The following RBFOX3 variants were observed in gnomAD, a reference collection of about 807,000 sequenced individuals.
RBFOX3 encodes the protein RNA binding protein fox-1 homolog 3.
A neutral mutation model predicts 48.7 loss-of-function variants in RBFOX3; 17 were observed. That is an observed-to-expected ratio of 0.35 (90% CI 0.24 to 0.52). The LOEUF (loss-of-function observed/expected upper bound fraction) is 0.52. RBFOX3 is among the 20% of genes least tolerant of loss of function. The pLI is 0.94. For synonymous variants in RBFOX3, 212 were observed against 209.5 expected (o/e 1.01, Z -0.10); for missense variants, 382 against 497.5 (o/e 0.77, Z 2.21).
At chr17:79,522,070 A>C (rs1263598019) in intron 1 of RBFOX3, among the ~76,000 whole-genome samples, 1 of 151,968 alleles carries the variant, frequency 6.6e-6, no homozygotes, top group African/African-American at 2.4e-5. Context: ...TGGAGGGGAG[A>C]CCCTGGAAAA....
At chr17:79,339,418 C>A (rs952671485) in intron 2 of RBFOX3, among the ~76,000 whole-genome samples, 2 of 152,166 alleles carry the variant, frequency 1.3e-5, no homozygotes, top group African/African-American at 2.4e-5. Flanking sequence ...TTACCCATCG[C>A]CTACCTCAAG....
chr17:79,523,362 C>T (rs984586999), intron 1 of RBFOX3, among the ~76,000 whole-genome samples: 13 of 152,170 alleles, frequency 8.5e-5, no homozygotes, highest in Non-Finnish European at 1.6e-4. Context: ...TGGAACTGAA[C>T]TTGCCTAAAT....
the RBFOX3 span, among the ~76,000 whole-genome samples, chr17:79,629,681 C>T: frequency 6.6e-6 from 1 of 152,204 alleles, no homozygotes; most frequent in Non-Finnish European, 1.5e-5. Flanking sequence ...AACACAAAGA[C>T]TTATCTGGAA....
intron 2 of RBFOX3, among the ~76,000 whole-genome samples, chr17:79,458,098 C>T (rs1250093384): frequency 6.6e-6 from 1 of 152,216 alleles, no homozygotes; most frequent in East Asian, 1.9e-4. Flanking sequence ...AGGTGGGTAA[C>T]AGAGCAGGCA....
chr17:79,544,603 C>A (rs1223347452), intron 1 of RBFOX3, among the ~76,000 whole-genome samples: 2 of 152,018 alleles, frequency 1.3e-5, no homozygotes, highest in Non-Finnish European at 1.5e-5. Context: ...AACCCTGACA[C>A]CTGCCATCCA....
At chr17:79,308,711 GTCTC>G (rs371681527) in intron 2 of RBFOX3, among the ~76,000 whole-genome samples, 5 of 151,754 alleles carry the variant, frequency 3.3e-5, no homozygotes, top group Non-Finnish European at 7.4e-5. Context: ...AAGAGTGTCT[GTCTC>G]TCTCTCTCTC....
intron 1 of RBFOX3, among the ~76,000 whole-genome samples, chr17:79,541,292 A>G (rs2089659857): frequency 6.6e-6 from 1 of 152,232 alleles, no homozygotes; most frequent in Non-Finnish European, 1.5e-5. Flanking sequence ...CCCATGAGCA[A>G]GCCTGGTTTT....
At chr17:79,551,440 T>C (rs1444428691) in intron 1 of RBFOX3, among the ~76,000 whole-genome samples, 3 of 151,120 alleles carry the variant, frequency 2.0e-5, no homozygotes, top group African/African-American at 7.3e-5. Context: ...GGTCGGTGGA[T>C]GGATGCCTGG....
chr17:79,410,304 C>T (rs1002887517), intron 2 of RBFOX3, among the ~76,000 whole-genome samples: 2 of 152,214 alleles, frequency 1.3e-5, no homozygotes, highest in African/African-American at 2.4e-5. Flanking sequence ...TACCCTGCTG[C>T]GTTTCAGGCT....
intron 1 of RBFOX3, among the ~76,000 whole-genome samples, chr17:79,557,369 C>T: frequency 6.6e-6 from 1 of 151,498 alleles, no homozygotes; most frequent in Non-Finnish European, 1.5e-5. Flanking sequence ...CCCTGCCCAC[C>T]CACCCAGCCA....
intron 2 of RBFOX3, among the ~76,000 whole-genome samples, chr17:79,386,514 G>T (rs919317895): frequency 1.3e-5 from 2 of 152,218 alleles, no homozygotes; most frequent in African/African-American, 4.8e-5. Flanking sequence ...GGGGTCCAAA[G>T]CCAGAGCCCT....
the RBFOX3 span, among the ~76,000 whole-genome samples, chr17:79,661,043 A>G: frequency 6.6e-6 from 1 of 152,206 alleles, no homozygotes; most frequent in East Asian, 1.9e-4. Flanking sequence ...AAAACCAAAC[A>G]CAACATGTTC....
At chr17:79,097,778 C>A in intron 9 of RBFOX3, 33 bp from the exon 10 acceptor site, 1 of 1,549,100 alleles carries the variant, frequency 6.5e-7, no homozygotes, top group South Asian at 1.2e-5. Context: ...TAGTCACTGC[C>A]TTCCCCGACC....
At chr17:79,393,834 TGGTCATCACACACATCATCTGAGCC>T (rs1238012412) in intron 2 of RBFOX3, among the ~76,000 whole-genome samples, 2 of 149,714 alleles carry the variant, frequency 1.3e-5, no homozygotes, top group South Asian at 2.1e-4. Flanking sequence ...ACATCTGAGC[TGGTCATCACACACATCATCTGAGCC>T]GGTCATCACG....
chr17:79,571,673 G>A (rs1271404893), intron 1 of RBFOX3, among the ~76,000 whole-genome samples: 3 of 152,200 alleles, frequency 2.0e-5, no homozygotes, highest in East Asian at 3.9e-4. Flanking sequence ...AGGATCTCAC[G>A]TTATCTTGCT....
At chr17:79,156,844 G>C (rs2045919869) in intron 4 of RBFOX3, among the ~76,000 whole-genome samples, 2 of 152,318 alleles carry the variant, frequency 1.3e-5, no homozygotes, top group South Asian at 4.1e-4. Context: ...CTGCTGATGG[G>C]AACTGGCCCT....
chr17:79,138,865 CT>C (rs1230587468), intron 4 of RBFOX3, among the ~76,000 whole-genome samples: 23 of 136,966 alleles, frequency 1.7e-4, no homozygotes, highest in South Asian at 2.5e-4. Flanking sequence ...TTCACGCCCC[CT>C]CTCACCCACA....
intron 4 of RBFOX3, among the ~76,000 whole-genome samples, chr17:79,193,499 A>G (rs1776433400): frequency 6.6e-6 from 1 of 151,832 alleles, no homozygotes; most frequent in South Asian, 2.1e-4. Context: ...ACCCAGCCCC[A>G]TTGGATTTAT....
intron 3 of RBFOX3, among the ~76,000 whole-genome samples, chr17:79,289,891 G>A (rs1041441908): frequency 6.6e-6 from 1 of 152,152 alleles, no homozygotes; most frequent in African/African-American, 2.4e-5. Context: ...ATAACACTGG[G>A]CTATAACTAA....
Sources: allele counts gnomAD v4.1 joint callset (sites outside exome capture counted in the v4.1 genomes callset), GRCh38; gene constraint gnomAD v4.1.1; transcripts MANE v1.5; gene names NCBI Gene and HGNC (gene_info 2026-07-23, HGNC 2026-07-21).